TANGO6: variants seen among roughly 807,000 people sequenced by gnomAD.
The protein encoded by TANGO6 is transport and golgi organization 6 homolog, also known as transport and Golgi organization protein 6 homolog.
TANGO6 carries 90 observed loss-of-function variants against 114.2 expected under a neutral mutation model. The ratio of observed to expected loss-of-function variants is 0.79; its 90% CI spans 0.66 to 0.94. TANGO6 has a LOEUF of 0.94. Ranked by LOEUF, TANGO6 falls within the 40% of genes least tolerant of loss-of-function variation. The probability of loss-of-function intolerance (pLI) is 0.00; values close to 1 mark genes in which losing one functional copy is unlikely to be tolerated. For synonymous variants in TANGO6, 477 were observed against 509.8 expected (o/e 0.94, Z 0.87); for missense variants, 1,274 against 1,315.3 (o/e 0.97, Z 0.49).
At chr16:69,059,421 G>C (rs1190178577) in intron 17 of TANGO6, among the ~76,000 whole-genome samples, 4 of 151,790 alleles carry the variant, frequency 2.6e-5, no homozygotes, top group Non-Finnish European at 5.9e-5. Context: ...GGCCAGGCTG[G>C]TCTCGAACTC....
intron 14 of TANGO6, among the ~76,000 whole-genome samples, chr16:68,952,435 C>G (rs1008084018): frequency 2.0e-5 from 3 of 152,180 alleles, no homozygotes; most frequent in Non-Finnish European, 4.4e-5. Context: ...TGTCACCCTT[C>G]ATCTCAAATA....
intron 7 of TANGO6, among the ~76,000 whole-genome samples, chr16:68,890,377 A>C (rs1202391232): frequency 6.6e-6 from 1 of 152,236 alleles, no homozygotes; most frequent in South Asian, 2.1e-4. Flanking sequence ...TGATGCCTAC[A>C]TTATAAATGA....
At chr16:69,011,740 ACAG>A (rs1322843134) in intron 15 of TANGO6, among the ~76,000 whole-genome samples, 2 of 152,214 alleles carry the variant, frequency 1.3e-5, no homozygotes, top group African/African-American at 2.4e-5. Context: ...TTCAGATTTG[ACAG>A]CACCCCTCTG....
intron 14 of TANGO6, among the ~76,000 whole-genome samples, chr16:68,935,328 G>A (rs1270474434): frequency 6.6e-6 from 1 of 151,920 alleles, no homozygotes; most frequent in African/African-American, 2.4e-5. Flanking sequence ...AAGTTATAGT[G>A]TACTTTTTGC....
At chr16:68,860,704 C>T (rs867685959) in intron 2 of TANGO6, among the ~76,000 whole-genome samples, 180 bp downstream of exon 2, 42 of 152,238 alleles carry the variant, frequency 2.8e-4, no homozygotes, top group Middle Eastern at 3.4e-3. Flanking sequence ...ATTGGGTTCT[C>T]GTCCTTTGCA....
chr16:68,976,792 A>G (rs375330578), intron 15 of TANGO6, among the ~76,000 whole-genome samples: 2 of 152,180 alleles, frequency 1.3e-5, no homozygotes, highest in African/African-American at 4.8e-5. Context: ...CCTATATCAG[A>G]TTGTGTTATA....
Position 68,860,027 on chromosome 16 carries a change from A to T in TANGO6, c.238A>T (p.Lys80Ter), listed in dbSNP as rs1962065099. ...ACTCCTAAGAGATGAAATTGCTGAT[A>T]AGGCAGAATGGCCACAAAACTCTGT... ...LKLLRDEIAD[K>*]AEWPQNSVDV... Residue 80 changes from lysine to a stop codon, truncating the protein, a stop_gained, in exon 2 of 18, where the codon AAG (lysine) becomes TAG (stop). Transcript: ENST00000261778. LOFTEE classifies it high-confidence loss of function. 6.2e-7 allele frequency: 1 copy of T among 1,614,016 alleles called. No homozygotes were observed.
intron 15 of TANGO6, among the ~76,000 whole-genome samples, chr16:69,015,888 A>G (rs1959288598): frequency 6.6e-6 from 1 of 152,182 alleles, no homozygotes; most frequent in African/African-American, 2.4e-5. Context: ...CTCTTGACTT[A>G]TATGGCCAGT....
chr16:69,069,563 C>G (rs1050156124), intron 17 of TANGO6, among the ~76,000 whole-genome samples: 1 of 152,124 alleles, frequency 6.6e-6, no homozygotes, highest in Non-Finnish European at 1.5e-5. Flanking sequence ...AGGACAATCT[C>G]CAGCCACCAG....
At chr16:68,935,447 T>C (rs1215099635) in intron 14 of TANGO6, among the ~76,000 whole-genome samples, 2 of 152,198 alleles carry the variant, frequency 1.3e-5, no homozygotes, top group Non-Finnish European at 2.9e-5. Context: ...GGCTATATAT[T>C]GATGCCTGAC....
chr16:68,919,954 G>A (rs1963067514), intron 12 of TANGO6, among the ~76,000 whole-genome samples: 2 of 152,148 alleles, frequency 1.3e-5, no homozygotes, highest in African/African-American at 2.4e-5. Context: ...GGCTGAGGCA[G>A]GAAAATTGCT....
chr16:68,858,032 A>G (rs1962027612), intron 1 of TANGO6, among the ~76,000 whole-genome samples: 1 of 151,506 alleles, frequency 6.6e-6, no homozygotes, highest in Admixed American at 6.6e-5. Context: ...CATCAGTGAA[A>G]CCATCTAGGC....
chr16:68,934,079 G>A (rs1042105705), intron 14 of TANGO6, among the ~76,000 whole-genome samples: 1 of 147,684 alleles, frequency 6.8e-6, no homozygotes, highest in African/African-American at 2.5e-5. Context: ...GTCTTGCTCT[G>A]TCACTCAGGG....
In TANGO6 at chr16:68,919,238, G is replaced by T; in HGVS notation, c.2127+19G>T. ...TGTTCAGGTGAGTTGTAGACATGAG[G>T]CAAGCTTGAATGGAGGGAAGGGAGA... On this transcript the variant is annotated intron_variant, in intron 12 of 17. Coordinates refer to ENST00000261778, the MANE Select transcript of TANGO6 (RefSeq NM_024562.2). The T allele has an allele frequency of 6.2e-7, 1 of 1,609,934 alleles. No homozygotes were observed. The highest frequency in any genetic ancestry group is 8.5e-7 in the Non-Finnish European group (1 of 1,178,310).
chr16:69,000,790 A>G (rs1038237590), intron 15 of TANGO6, among the ~76,000 whole-genome samples: 1 of 152,066 alleles, frequency 6.6e-6, no homozygotes, highest in African/African-American at 2.4e-5. Flanking sequence ...ACGGGGCTTC[A>G]CCATGTGGCC....
At chr16:69,066,911 G>C (rs1473072400) in intron 17 of TANGO6, among the ~76,000 whole-genome samples, 1 of 152,046 alleles carries the variant, frequency 6.6e-6, no homozygotes, top group East Asian at 1.9e-4. Flanking sequence ...TTTTGTTTTT[G>C]AGATAGGGTC....
chr16:68,946,377 G>A (rs1485492496), intron 14 of TANGO6, among the ~76,000 whole-genome samples: 5 of 151,936 alleles, frequency 3.3e-5, no homozygotes, highest in Non-Finnish European at 7.4e-5. Context: ...TATTTTTTAA[G>A]TAGAGACAGG....
intron 14 of TANGO6, among the ~76,000 whole-genome samples, chr16:68,940,849 T>C (rs1331651628): frequency 1.3e-5 from 2 of 152,238 alleles, no homozygotes; most frequent in African/African-American, 2.4e-5. Flanking sequence ...GAACATAATT[T>C]ATTTTTTACA....
intron 12 of TANGO6, among the ~76,000 whole-genome samples, chr16:68,926,526 GA>G (rs1049611767): frequency 3.3e-5 from 5 of 151,714 alleles, no homozygotes; most frequent in Admixed American, 2.0e-4. Context: ...AAATAAAAAG[GA>G]TTTTTTTTTC....
Sources: allele counts gnomAD v4.1 joint callset (sites outside exome capture counted in the v4.1 genomes callset), GRCh38; gene constraint gnomAD v4.1.1; transcripts MANE v1.5; gene names NCBI Gene and HGNC (gene_info 2026-07-23, HGNC 2026-07-21).